CEMIP: variants seen among roughly 807,000 people sequenced by gnomAD.
CEMIP encodes the protein cell migration-inducing and hyaluronan-binding protein.
In CEMIP, 105 loss-of-function variants were observed where a neutral mutation model predicts 156.9. The ratio of observed to expected loss-of-function variants is 0.67; its 90% CI spans 0.57 to 0.79. The LOEUF (loss-of-function observed/expected upper bound fraction) is 0.79. CEMIP is among the 30% of genes least tolerant of loss of function. The pLI is 0.00. For synonymous variants in CEMIP, 676 were observed against 668.4 expected (o/e 1.01, Z -0.17); for missense variants, 1,457 against 1,769.4 (o/e 0.82, Z 3.17).
At chr15:80,901,748 C>T (rs1391823135) in intron 12 of CEMIP, among the ~76,000 whole-genome samples, 1 of 151,752 alleles carries the variant, frequency 6.6e-6, no homozygotes, top group Non-Finnish European at 1.5e-5. Context: ...AGCCAGGTTT[C>T]GTGTGTCCAG....
chr15:80,819,673 C>T (rs1056665066), intron 1 of CEMIP, among the ~76,000 whole-genome samples: 3 of 152,150 alleles, frequency 2.0e-5, no homozygotes, highest in African/African-American at 7.2e-5. Context: ...AGATTGCTTT[C>T]AGCCTATTTT....
chr15:80,861,831 G>A (rs945360549), intron 1 of CEMIP, among the ~76,000 whole-genome samples: 8 of 152,254 alleles, frequency 5.3e-5, no homozygotes, highest in Non-Finnish European at 1.5e-5. Flanking sequence ...AACCAGCTGG[G>A]AAGATGTATA....
At chr15:80,842,759 A>C (rs1448701444) in intron 1 of CEMIP, among the ~76,000 whole-genome samples, 2 of 152,150 alleles carry the variant, frequency 1.3e-5, no homozygotes, top group African/African-American at 4.8e-5. Context: ...AGAGAAATCC[A>C]GGATGTGGAG....
chr15:80,849,428 A>G (rs1220953503), intron 1 of CEMIP, among the ~76,000 whole-genome samples: 2 of 152,076 alleles, frequency 1.3e-5, no homozygotes, highest in African/African-American at 4.8e-5. Flanking sequence ...TCTGCTCACC[A>G]TTGCCTTGGC....
chr15:80,806,549 A>G (rs1390299339), intron 1 of CEMIP, among the ~76,000 whole-genome samples: 1 of 152,220 alleles, frequency 6.6e-6, no homozygotes, highest in Non-Finnish European at 1.5e-5. Context: ...TCATTTATTC[A>G]CTAAATATGT....
At chr15:80,890,514 G>A (rs1452164199) in intron 10 of CEMIP, among the ~76,000 whole-genome samples, 2 of 151,680 alleles carry the variant, frequency 1.3e-5, no homozygotes, top group African/African-American at 4.8e-5. Context: ...GCGTAAACAG[G>A]AGGTGGAGGT....
In CEMIP at chr15:80,779,570, T is replaced by C. The variant is rs1437493655; in HGVS notation, c.-220T>C. ...GACCAGACGTCCGGGGCCGCTGCGC[T>C]CCTGGCCCGCGAGGCGTGACACTGT... On this transcript the variant is annotated 5_prime_UTR_variant, in exon 1 of 30. Transcript: ENST00000394685. The C allele has an allele frequency of 6.6e-6, 1 of 152,086 alleles. No homozygotes were observed. Among genetic ancestry groups the C allele is most frequent in the African/African-American group, 2.4e-5 (1 of 41,416 alleles). The allele number at this position is 152,086 out of a possible 1,614,324, so 9.4% of individuals were successfully genotyped here. A position where few individuals can be genotyped will look rare whatever the true frequency, so the allele number is the denominator to read the frequency against.
chr15:80,938,633 G>T (rs1337563593), intron 25 of CEMIP, among the ~76,000 whole-genome samples: 1 of 152,096 alleles, frequency 6.6e-6, no homozygotes, highest in Non-Finnish European at 1.5e-5. Context: ...AAATAGGAGA[G>T]ACTTCCTGAG....
rs542819926 is a variant in CEMIP, at chr15:80,920,699, C to T, written c.2004-333C>T. Among the ~76,000 whole-genome samples the T allele has an allele frequency of 2.6e-5, 4 of 152,284 alleles. No homozygotes were observed. In the East Asian group the frequency reaches 5.8e-4, roughly 22 times the overall value. On this transcript the variant is annotated intron_variant, in intron 15 of 29. Coordinates refer to ENST00000394685, the MANE Select transcript of CEMIP (RefSeq NM_001293298.2). ...GGTGAGAGCTCTCTGTGCAGTCAGC[C>T]TTCCAAGTGCAGGGCCCCTCCCTTA...
intron 12 of CEMIP, among the ~76,000 whole-genome samples, chr15:80,900,662 CTGTGTGTG>C (rs1188670554): frequency 4.4e-5 from 4 of 90,688 alleles, no homozygotes; most frequent in African/African-American, 8.7e-5. Flanking sequence ...GTGTGTGTGT[CTGTGTGTG>C]TGTGTGTATT....
At chr15:80,826,980 T>TTACTTGTCCCAAGTCCTACAATAAG (rs1897051650) in intron 1 of CEMIP, among the ~76,000 whole-genome samples, 1 of 152,216 alleles carries the variant, frequency 6.6e-6, no homozygotes, top group Admixed American at 6.5e-5. Flanking sequence ...GAGGTTGTGT[T>TTACTTGTCCCAAGTCCTACAATAAG]ACTTGTCCCA....
chr15:80,946,903 C>A, intron 28 of CEMIP, 62 bp from the exon 29 acceptor site: 1 of 1,136,550 alleles, frequency 8.8e-7, no homozygotes, highest in Non-Finnish European at 1.3e-6. Context: ...AACATCCCTC[C>A]CCATGCCCAC....
chr15:80,906,253 A>G lies in CEMIP; in HGVS notation c.1412-410A>G, dbSNP rs1158233485. The stretch of plus-strand genomic sequence containing the variant: ...GCGAGGCTGGCCTGCCAGCCCCCAG[A>G]AAAGAGCAAGAGGAGGGCAGTCTGG... On this transcript the variant is annotated intron_variant, in intron 12 of 29. Coordinates refer to ENST00000394685, the MANE Select transcript of CEMIP (RefSeq NM_001293298.2). The surrounding 1 kb of genome is among the most constrained non-coding windows in gnomAD (Gnocchi z 4.3). Among the ~76,000 whole-genome samples the G allele has an allele frequency of 1.3e-5, 2 of 152,202 alleles. No homozygotes were observed. Among genetic ancestry groups the G allele is most frequent in the East Asian group, 1.9e-4 (1 of 5,180 alleles).
chr15:80,933,805 G>A (rs1259239572), intron 23 of CEMIP, among the ~76,000 whole-genome samples: 2 of 152,140 alleles, frequency 1.3e-5, no homozygotes, highest in Non-Finnish European at 2.9e-5. Context: ...CTTTCCTAGC[G>A]AGATTTTGGG....
At chr15:80,780,875 G>A (rs1414378384) in intron 1 of CEMIP, among the ~76,000 whole-genome samples, 1 of 152,200 alleles carries the variant, frequency 6.6e-6, no homozygotes, top group Non-Finnish European at 1.5e-5. Flanking sequence ...CAAGGCGTTG[G>A]GGCGCTGGGA....
chr15:80,899,523 G>C (rs1401930101), intron 12 of CEMIP, among the ~76,000 whole-genome samples: 1 of 152,188 alleles, frequency 6.6e-6, no homozygotes, highest in Non-Finnish European at 1.5e-5. Context: ...AGCTGAGACA[G>C]AATAGAAGCT....
chr15:80,940,059 G>A (rs1901281008), intron 25 of CEMIP, among the ~76,000 whole-genome samples: 1 of 152,210 alleles, frequency 6.6e-6, no homozygotes, highest in Non-Finnish European at 1.5e-5. Flanking sequence ...TACCACCTCA[G>A]TGAATTCTTA....
At chr15:80,874,135 C>T (rs535813103) in intron 3 of CEMIP, among the ~76,000 whole-genome samples, 162 bp downstream of exon 3, 5 of 152,352 alleles carry the variant, frequency 3.3e-5, no homozygotes, top group African/African-American at 1.2e-4. Flanking sequence ...GTCCCCGGCA[C>T]GTTTCGTCCT....
chr15:80,842,396 G>T (rs1897445459), intron 1 of CEMIP, among the ~76,000 whole-genome samples: 1 of 152,102 alleles, frequency 6.6e-6, no homozygotes, highest in Admixed American at 6.5e-5. Context: ...TTGTTCTCAA[G>T]GGAGGGAGGC....
Sources: allele counts gnomAD v4.1 joint callset (sites outside exome capture counted in the v4.1 genomes callset), GRCh38; gene constraint gnomAD v4.1.1; non-coding constraint Gnocchi (gnomAD v3.1); transcripts MANE v1.5; gene names NCBI Gene and HGNC (gene_info 2026-07-23, HGNC 2026-07-21).